Variants in MADD observed in about 807,000 individuals in gnomAD.
MADD encodes the protein MAP kinase-activating death domain protein.
Under a neutral mutation model 176.7 loss-of-function variants are expected in MADD, and 109 were observed. That is an observed-to-expected ratio of 0.62 (90% CI 0.53 to 0.72). MADD has a LOEUF of 0.72. Ranked by LOEUF, MADD falls within the 30% of genes least tolerant of loss-of-function variation. The pLI is 0.00. For missense variants in MADD, 1,914 were observed against 2,045.5 expected, an observed-to-expected ratio of 0.94 and a Z score of 1.24; for synonymous variants, 771 against 771.3, an observed-to-expected ratio of 1.00 and a Z score of 0.01.
intron 14 of MADD, 52 bp downstream of exon 14, chr11:47,285,642 C>A: frequency 6.2e-7 from 1 of 1,607,804 alleles, no homozygotes; most frequent in Non-Finnish European, 8.5e-7. Context: ...TTCTCTACAG[C>A]AGAGCCTGAC....
chr11:47,327,393 T>G, intron 31 of MADD: 3 of 985,368 alleles, frequency 3.0e-6, no homozygotes, highest in Non-Finnish European at 3.6e-6. Flanking sequence ...TGTTTGTGCT[T>G]CATTCTTTTG....
intron 15 of MADD, among the ~76,000 whole-genome samples, chr11:47,288,503 A>G (rs2062517946): frequency 6.6e-6 from 1 of 152,180 alleles, no homozygotes; most frequent in Non-Finnish European, 1.5e-5. Flanking sequence ...TGAAGAGAAG[A>G]GCGATTGAAA....
chr11:47,326,039 C>A (rs963705804), intron 30 of MADD, among the ~76,000 whole-genome samples: 3 of 152,214 alleles, frequency 2.0e-5, no homozygotes, highest in African/African-American at 7.2e-5. Flanking sequence ...ATGGGAAAAG[C>A]ACAGGCTTCG....
At chr11:47,308,489 T>G in intron 22 of MADD, 102 bp from the exon 25 acceptor site, 5 of 733,398 alleles carry the variant, frequency 6.8e-6, no homozygotes, top group Non-Finnish European at 9.2e-6. Flanking sequence ...ATGTTGCTAA[T>G]GGATGGTGAC....
chr11:47,316,171 G>GCACACACA (rs1565533404), intron 27 of MADD, among the ~76,000 whole-genome samples: 2 of 57,756 alleles, frequency 3.5e-5, no homozygotes, highest in Non-Finnish European at 6.3e-5. Context: ...GCACACACAC[G>GCACACACA]CGCACACACA....
At chr11:47,327,121 C>G (rs2095528799) in intron 31 of MADD, 1 of 1,092,098 alleles carries the variant, frequency 9.2e-7, no homozygotes, top group African/African-American at 1.6e-5. Flanking sequence ...GTTTGGGACA[C>G]AGCAGACTGG....
intron 22 of MADD, among the ~76,000 whole-genome samples, chr11:47,298,801 A>G (rs1200393318): frequency 2.0e-5 from 3 of 152,134 alleles, no homozygotes; most frequent in Non-Finnish European, 4.4e-5. Flanking sequence ...TAGTAGTTTT[A>G]TAGTTTTGGG....
intron 1 of MADD, chr11:47,272,393 A>G (rs1965593656): frequency 6.6e-6 from 1 of 152,210 alleles, no homozygotes; most frequent in Non-Finnish European, 1.5e-5. Context: ...TCATTACCTA[A>G]ACCAAATAGG....
chr11:47,288,541 C>T (rs973751713), intron 15 of MADD, among the ~76,000 whole-genome samples: 1 of 152,178 alleles, frequency 6.6e-6, no homozygotes, highest in Admixed American at 6.5e-5. Context: ...GATGCTTTGT[C>T]GCATTTGCTG....
chr11:47,288,380 A>G (rs1439241660), intron 15 of MADD, among the ~76,000 whole-genome samples: 6 of 152,244 alleles, frequency 3.9e-5, no homozygotes, highest in African/African-American at 1.4e-4. Flanking sequence ...GGGCAAAAGG[A>G]CATCAGAGCT....
At position 47,317,383 on chromosome 11, in the gene MADD, G is replaced by A. The variant is rs192432527; in HGVS notation, c.4197+2056G>A. Among the ~76,000 whole-genome samples the A allele has an allele frequency of 4.4e-4, 67 of 152,286 alleles. 1 individual carries two copies. In the South Asian group the frequency reaches 7.9e-3, roughly 18 times the overall value. On this transcript the variant is annotated intron_variant, in intron 27 of 32. Transcript: ENST00000402192. ...GGACAATGCATTTGTAATTTTGGTT[G>A]ATATAATTCTTAAGTGTCTCATAAC...
chr11:47,285,670 A>G, intron 14 of MADD, 80 bp downstream of exon 14: 1 of 1,584,406 alleles, frequency 6.3e-7, no homozygotes, highest in Non-Finnish European at 8.6e-7. Flanking sequence ...AATGTTGCTT[A>G]GAACTTCACA....
chr11:47,299,584 GCTTTTTT>G (rs149025905), intron 22 of MADD, among the ~76,000 whole-genome samples: 8 of 65,232 alleles, frequency 1.2e-4, no homozygotes, highest in East Asian at 1.2e-3. Context: ...AGATTTTAGG[GCTTTTTT>G]TTTTTTTTTT....
intron 21 of MADD, 70 bp from the exon 24 acceptor site, chr11:47,295,827 G>C: frequency 1.3e-6 from 2 of 1,553,034 alleles, no homozygotes; most frequent in Non-Finnish European, 8.7e-7. Context: ...GTGGCAGGGA[G>C]CTCTAACAGC....
At chr11:47,294,482 C>T (rs1476724839) in intron 20 of MADD, among the ~76,000 whole-genome samples, 1 of 151,620 alleles carries the variant, frequency 6.6e-6, no homozygotes, top group Non-Finnish European at 1.5e-5. Flanking sequence ...CCAGCCTGGC[C>T]AACGTAGTGA....
At chr11:47,311,932 T>TG (rs1266477222) in intron 26 of MADD, 90 bp downstream of exon 29, 2 of 740,518 alleles carry the variant, frequency 2.7e-6, no homozygotes, top group Non-Finnish European at 4.7e-6. Context: ...TTTTTGAAAA[T>TG]GGAGCAGTTG....
At chr11:47,271,263 G>A (rs1345694544) in intron 1 of MADD, 1 of 152,250 alleles carries the variant, frequency 6.6e-6, no homozygotes, top group Non-Finnish European at 1.5e-5. Flanking sequence ...GGTGATGTTA[G>A]AGGATTTAGT....
intron 22 of MADD, among the ~76,000 whole-genome samples, chr11:47,306,378 TC>T (rs2082626548): frequency 6.6e-6 from 1 of 152,156 alleles, no homozygotes; most frequent in Non-Finnish European, 1.5e-5. Flanking sequence ...TAGCTCCACT[TC>T]CAAGATGGCA....
chr11:47,301,665 C>T (rs969060739), intron 22 of MADD, among the ~76,000 whole-genome samples: 2 of 151,926 alleles, frequency 1.3e-5, no homozygotes, highest in East Asian at 3.9e-4. Flanking sequence ...TTTAAATTTC[C>T]TTCTTAATTT....
Sources: allele counts gnomAD v4.1 joint callset (sites outside exome capture counted in the v4.1 genomes callset), GRCh38; gene constraint gnomAD v4.1.1; transcripts MANE v1.5; gene names NCBI Gene and HGNC (gene_info 2026-07-23, HGNC 2026-07-21).